Variants in NRG3 observed in about 807,000 individuals in gnomAD.
The protein encoded by NRG3 is pro-neuregulin-3, membrane-bound isoform.
Under a neutral mutation model 66.9 loss-of-function variants are expected in NRG3, and 31 were observed. That is an observed-to-expected ratio of 0.46 (90% CI 0.35 to 0.63). The LOEUF is 0.63. NRG3 is among the 20% of genes least tolerant of loss of function. The pLI is 0.00. For missense variants in NRG3, 910 were observed against 878.9 expected (o/e 1.04, Z -0.45); for synonymous variants, 393 against 359.4 (o/e 1.09, Z -1.06).
intron 2 of NRG3, among the ~76,000 whole-genome samples, chr10:82,599,548 C>T (rs2133382282): frequency 6.6e-6 from 1 of 152,302 alleles, no homozygotes; most frequent in East Asian, 1.9e-4. Flanking sequence ...GGCGCCGGGG[C>T]TCACGCCTGT....
chr10:82,621,698 T>TA (rs1436416837), intron 2 of NRG3, among the ~76,000 whole-genome samples: 1 of 152,196 alleles, frequency 6.6e-6, no homozygotes, highest in African/African-American at 2.4e-5. Flanking sequence ...AAGCTACCCT[T>TA]ACTAACCTGC....
At chr10:82,047,967 G>A (rs988011504) in intron 1 of NRG3, among the ~76,000 whole-genome samples, 6 of 151,920 alleles carry the variant, frequency 3.9e-5, no homozygotes, top group Non-Finnish European at 7.4e-5. Context: ...TGATAAAACA[G>A]AGTTTAAACC....
intron 1 of NRG3, among the ~76,000 whole-genome samples, chr10:81,919,977 A>G (rs1046172167): frequency 2.0e-5 from 3 of 152,212 alleles, no homozygotes; most frequent in Admixed American, 2.0e-4. Flanking sequence ...TGACAGATAC[A>G]CTAATATACG....
chr10:82,737,804 G>A (rs554235127), intron 2 of NRG3, among the ~76,000 whole-genome samples: 1 of 152,304 alleles, frequency 6.6e-6, no homozygotes, highest in East Asian at 1.9e-4. Context: ...GTGAAGACCC[G>A]ACAGGGGCCT....
intron 3 of NRG3, among the ~76,000 whole-genome samples, chr10:82,806,809 G>A (rs2061306072): frequency 6.6e-6 from 1 of 152,172 alleles, no homozygotes; most frequent in South Asian, 2.1e-4. Context: ...GTGTTCCTCT[G>A]CAGTTTGGAT....
intron 4 of NRG3, among the ~76,000 whole-genome samples, chr10:82,874,398 T>G (rs140721826): frequency 0.016 from 2,415 of 151,952 alleles, 73 homozygotes; most frequent in African/African-American, 0.056. Context: ...TGAGGATTCT[T>G]TTTTCCTAAG....
intron 3 of NRG3, among the ~76,000 whole-genome samples, chr10:82,862,449 T>C (rs1484244291): frequency 6.6e-6 from 1 of 152,220 alleles, no homozygotes; most frequent in Non-Finnish European, 1.5e-5. Context: ...AGATTTTATA[T>C]GCTAATGATA....
At chr10:82,050,306 C>T (rs2063531189) in intron 1 of NRG3, among the ~76,000 whole-genome samples, 1 of 150,644 alleles carries the variant, frequency 6.6e-6, no homozygotes, top group Non-Finnish European at 1.5e-5. Context: ...CCATCACCTT[C>T]AATGGCAAAA....
chr10:82,254,985 T>C (rs2077649517), intron 1 of NRG3, among the ~76,000 whole-genome samples: 2 of 152,068 alleles, frequency 1.3e-5, no homozygotes, highest in South Asian at 4.1e-4. Flanking sequence ...TCCTGAAGAG[T>C]ACACAGGGAA....
intron 1 of NRG3, among the ~76,000 whole-genome samples, chr10:82,167,934 A>C (rs1399949716): frequency 6.6e-6 from 1 of 151,972 alleles, no homozygotes; most frequent in Non-Finnish European, 1.5e-5. Context: ...CGTGAGAGGG[A>C]TGTACAGAAG....
intron 1 of NRG3, among the ~76,000 whole-genome samples, chr10:81,884,806 A>G (rs1162316397): frequency 1.3e-5 from 2 of 152,170 alleles, no homozygotes; most frequent in Non-Finnish European, 2.9e-5. Flanking sequence ...TACATATTTA[A>G]TGTGTACATA....
intron 1 of NRG3, among the ~76,000 whole-genome samples, chr10:82,257,173 A>T (rs2077774775): frequency 1.3e-5 from 2 of 152,184 alleles, no homozygotes; most frequent in African/African-American, 4.8e-5. Flanking sequence ...GCCAAAAAGT[A>T]TTTGAATGAA....
chr10:81,910,379 CT>C lies in NRG3; in HGVS notation c.823+34217del, dbSNP rs570995066. Among the ~76,000 whole-genome samples, 15 of 152,270 alleles carry C rather than the reference CT, an allele frequency of 9.9e-5. No homozygotes were observed. In the South Asian group the frequency reaches 2.7e-3, roughly 27 times the overall value. On this transcript the variant is annotated intron_variant, in intron 1 of 8. Transcript: ENST00000372141. ...GAACATCAAACTGAGCCCTTGAAGA[CT>C]AGAGTTCTGGGTACTCAATAATGTT...
At position 82,473,859 on chromosome 10, in the gene NRG3, C is replaced by G. The variant is rs149166872; in HGVS notation, c.953+114991C>G. 4.4e-3 allele frequency among the ~76,000 whole-genome samples: 675 copies of G among 152,206 alleles called. 3 individuals carry two copies. The highest frequency in any genetic ancestry group is 0.016 in the African/African-American group (651 of 41,520). ...CAGTGGTGATGCCTCATGAAAACTG[C>G]AAGGAGCTACAAACGTGAAGACCCC... On this transcript the variant is annotated intron_variant, in intron 2 of 8. Coordinates refer to ENST00000372141, the MANE Select transcript of NRG3 (RefSeq NM_001010848.4).
At chr10:82,307,064 ATACTC>A (rs1195289321) in intron 1 of NRG3, among the ~76,000 whole-genome samples, 1 of 152,042 alleles carries the variant, frequency 6.6e-6, no homozygotes, top group Non-Finnish European at 1.5e-5. Flanking sequence ...TTTTTGAAGA[ATACTC>A]TGTGCATTTT....
At chr10:82,396,532 C>G (rs1462844840) in intron 2 of NRG3, among the ~76,000 whole-genome samples, 1 of 152,188 alleles carries the variant, frequency 6.6e-6, no homozygotes, top group East Asian at 1.9e-4. Context: ...TACACACTTG[C>G]CGTCTACTCA....
intron 5 of NRG3, among the ~76,000 whole-genome samples, chr10:82,956,032 C>T (rs1850012578): frequency 6.6e-6 from 1 of 151,858 alleles, no homozygotes. Flanking sequence ...GCTTCCATTT[C>T]TTCCCTTTGC....
At chr10:82,180,528 T>TGTG (rs2073343908) in intron 1 of NRG3, among the ~76,000 whole-genome samples, 1 of 151,986 alleles carries the variant, frequency 6.6e-6, no homozygotes, top group Admixed American at 6.6e-5. Flanking sequence ...ATTCTGTTAA[T>TGTG]GTGGTGTATC....
chr10:81,987,135 T>C (rs898157026), intron 1 of NRG3, among the ~76,000 whole-genome samples: 31 of 152,144 alleles, frequency 2.0e-4, no homozygotes, highest in African/African-American at 6.5e-4. Context: ...TTGCCTAGGC[T>C]GGAGTGCAGT....
Sources: gnomAD v4.1 joint callset for allele counts (sites outside exome capture counted in the v4.1 genomes callset) on GRCh38, gnomAD v4.1.1 for gene constraint, MANE v1.5 for transcripts, NCBI Gene and HGNC (gene_info 2026-07-23, HGNC 2026-07-21) for gene names.